ARB2A: variants seen among roughly 807,000 people sequenced by gnomAD.
ARB2A encodes ARB2 cotranscriptional regulator A.
At chr5:94,065,235 T>C in the ARB2A span, among the ~76,000 whole-genome samples, 4 of 152,178 alleles carry the variant, frequency 2.6e-5, no homozygotes, top group African/African-American at 9.6e-5. Context: ...ACATTCTGAC[T>C]GGGCACAGTG....
the ARB2A span, among the ~76,000 whole-genome samples, chr5:94,092,664 T>C: frequency 7.2e-5 from 11 of 152,348 alleles, no homozygotes; most frequent in African/African-American, 2.6e-4. Context: ...TCCTCAAATA[T>C]GGATTCTGTC....
chr5:93,667,326 TAA>T, the ARB2A span, among the ~76,000 whole-genome samples: 3,705 of 152,346 alleles, frequency 0.024, 88 homozygotes, highest in Non-Finnish European at 0.032. Flanking sequence ...GCATTTTCCT[TAA>T]ACCGTAAGCT....
At chr5:93,884,260 G>A in the ARB2A span, among the ~76,000 whole-genome samples, 1 of 151,326 alleles carries the variant, frequency 6.6e-6, no homozygotes, top group East Asian at 1.9e-4. Context: ...TTTCATATCT[G>A]GCTTATTTGA....
At chr5:93,634,173 C>T in the ARB2A span, among the ~76,000 whole-genome samples, 13 of 152,042 alleles carry the variant, frequency 8.6e-5, no homozygotes, top group Admixed American at 2.0e-4. Context: ...GAAGCTGAGG[C>T]GGGCGGATCA....
At chr5:93,777,791 T>C in the ARB2A span, among the ~76,000 whole-genome samples, 2 of 152,206 alleles carry the variant, frequency 1.3e-5, no homozygotes, top group Non-Finnish European at 2.9e-5. Flanking sequence ...TGGAAGAAGA[T>C]GTCAGCTGTG....
chr5:93,931,399 G>A, the ARB2A span, among the ~76,000 whole-genome samples: 1 of 152,162 alleles, frequency 6.6e-6, no homozygotes, highest in South Asian at 2.1e-4. Flanking sequence ...AGGAGGCGGA[G>A]ATTGCAGTGA....
At chr5:93,978,816 TA>T in the ARB2A span, among the ~76,000 whole-genome samples, 380 of 151,838 alleles carry the variant, frequency 2.5e-3, no homozygotes, top group African/African-American at 8.7e-3. Flanking sequence ...TTACAAAAAA[TA>T]AAATGTACCA....
chr5:93,889,126 G>A, the ARB2A span, among the ~76,000 whole-genome samples: 1 of 151,624 alleles, frequency 6.6e-6, no homozygotes. Flanking sequence ...AAGGAAAAAA[G>A]GAGAAAAGGG....
At chr5:93,753,211 C>T in the ARB2A span, among the ~76,000 whole-genome samples, 1,182 of 152,278 alleles carry the variant, frequency 7.8e-3, 5 homozygotes, top group Non-Finnish European at 0.011. Context: ...TTCTGAGTGA[C>T]ACCACATTCT....
the ARB2A span, among the ~76,000 whole-genome samples, chr5:93,765,940 G>A: frequency 6.6e-6 from 1 of 152,234 alleles, no homozygotes; most frequent in East Asian, 1.9e-4. Context: ...AATGGGGAAA[G>A]GATTCCCTAT....
the ARB2A span, among the ~76,000 whole-genome samples, chr5:93,911,187 G>A: frequency 2.0e-5 from 3 of 151,488 alleles, no homozygotes; most frequent in African/African-American, 4.8e-5. Context: ...AAAATTCAAA[G>A]TAGAATCTAT....
the ARB2A span, among the ~76,000 whole-genome samples, chr5:93,650,972 T>G: frequency 2.0e-5 from 3 of 151,942 alleles, no homozygotes; most frequent in Non-Finnish European, 4.4e-5. Flanking sequence ...AGCCTTGGTT[T>G]CAGAGCAAGA....
At chr5:94,053,739 C>T in the ARB2A span, among the ~76,000 whole-genome samples, 1 of 152,096 alleles carries the variant, frequency 6.6e-6, no homozygotes, top group African/African-American at 2.4e-5. Context: ...ATCCATGCAA[C>T]CAAAAAAACT....
the ARB2A span, among the ~76,000 whole-genome samples, chr5:93,702,475 T>C: frequency 6.6e-6 from 1 of 152,190 alleles, no homozygotes; most frequent in Non-Finnish European, 1.5e-5. Context: ...CTAGTATCTA[T>C]TTTCTCTTCT....
At chr5:93,645,395 A>C in the ARB2A span, among the ~76,000 whole-genome samples, 1 of 152,148 alleles carries the variant, frequency 6.6e-6, no homozygotes, top group South Asian at 2.1e-4. Flanking sequence ...AATATGGTGA[A>C]ACCCTGTCTC....
At chr5:93,757,696 T>C in the ARB2A span, among the ~76,000 whole-genome samples, 2 of 152,126 alleles carry the variant, frequency 1.3e-5, no homozygotes, top group Non-Finnish European at 2.9e-5. Flanking sequence ...ATTACCAAGC[T>C]ACCACTACAG....
chr5:94,033,296 T>G, the ARB2A span, among the ~76,000 whole-genome samples: 3 of 152,226 alleles, frequency 2.0e-5, no homozygotes, highest in Non-Finnish European at 4.4e-5. Flanking sequence ...TTTCTTATTT[T>G]ACAGGCTCAC....
chr5:93,860,126 C>T, the ARB2A span, among the ~76,000 whole-genome samples: 19 of 152,094 alleles, frequency 1.2e-4, no homozygotes, highest in Non-Finnish European at 1.8e-4. Flanking sequence ...AACCCCGTCT[C>T]TACTAAAAAT....
the ARB2A span, among the ~76,000 whole-genome samples, chr5:93,914,201 T>A: frequency 2.0e-5 from 3 of 151,980 alleles, no homozygotes; most frequent in Admixed American, 6.6e-5. Flanking sequence ...ATTTTCCTTG[T>A]TAGTAACACT....
Sources: gnomAD v4.1 joint callset for allele counts (sites outside exome capture counted in the v4.1 genomes callset) on GRCh38, gnomAD v4.1.1 for gene constraint, MANE v1.5 for transcripts, NCBI Gene and HGNC (gene_info 2026-07-23, HGNC 2026-07-21) for gene names.